JPH2: variants seen among roughly 807,000 people sequenced by gnomAD.
JPH2 encodes junctophilin 2, also known as junctophilin-2.
A neutral mutation model predicts 55.9 loss-of-function variants in JPH2; 38 were observed. That is an observed-to-expected ratio of 0.68 (90% CI 0.52 to 0.89). The LOEUF is 0.89. JPH2 is among the 40% of genes least tolerant of loss of function. The pLI, the probability that JPH2 is intolerant of heterozygous loss-of-function variation, is 0.00. For missense variants in JPH2, 964 were observed against 1,037.6 expected, an observed-to-expected ratio of 0.93 and a Z score of 0.97; for synonymous variants, 480 against 472.4, an observed-to-expected ratio of 1.02 and a Z score of -0.21.
intron 2 of JPH2, among the ~76,000 whole-genome samples, chr20:44,126,923 T>C (rs904558928): frequency 1.3e-5 from 2 of 152,202 alleles, no homozygotes; most frequent in African/African-American, 4.8e-5. Flanking sequence ...TGGGGGATAA[T>C]CTCACAAAAT....
At chr20:44,179,783 CTT>C (rs1488256055) in intron 1 of JPH2, among the ~76,000 whole-genome samples, 2 of 152,168 alleles carry the variant, frequency 1.3e-5, no homozygotes, top group South Asian at 2.1e-4. Context: ...TTAATGATCA[CTT>C]ATTATTATCA....
intron 1 of JPH2, among the ~76,000 whole-genome samples, chr20:44,184,792 A>C (rs985609417): frequency 1.3e-5 from 2 of 152,142 alleles, no homozygotes; most frequent in African/African-American, 4.8e-5. Context: ...CACAAACGTA[A>C]CTGTCCTGTC....
chr20:44,150,821 T>C (rs953569975), intron 2 of JPH2, among the ~76,000 whole-genome samples: 1 of 151,430 alleles, frequency 6.6e-6, no homozygotes, highest in Non-Finnish European at 1.5e-5. Flanking sequence ...AGGCCAGGAG[T>C]TCAAGACTAG....
intron 2 of JPH2, among the ~76,000 whole-genome samples, chr20:44,126,730 C>G (rs2072279795): frequency 6.6e-6 from 1 of 152,194 alleles, no homozygotes; most frequent in African/African-American, 2.4e-5. Flanking sequence ...GTGCTGAGCC[C>G]CTGCTATGTG....
At chr20:44,147,059 G>C (rs6103653) in intron 2 of JPH2, among the ~76,000 whole-genome samples, 1 of 152,092 alleles carries the variant, frequency 6.6e-6, no homozygotes, top group African/African-American at 2.4e-5. Flanking sequence ...CACTAGATGG[G>C]GTTGGCTGGA....
chr20:44,165,372 T>A lies in JPH2; in HGVS notation c.380-4965A>T, dbSNP rs189466399. 3.5e-3 allele frequency among the ~76,000 whole-genome samples: 525 copies of A among 152,066 alleles called. 1 individual carries two copies. Among genetic ancestry groups the A allele is most frequent in the South Asian group, 5.8e-3 (28 of 4,818 alleles). ...AAAGTCATCAGCTCTACTTTCCAAATGGATCCAGAATCCAGCCGCTTCTCA... is the reference window on the plus strand; with the variant it reads ...AAAGTCATCAGCTCTACTTTCCAAAAGGATCCAGAATCCAGCCGCTTCTCA... On this transcript the variant is annotated intron_variant, in intron 1 of 5. Transcript: ENST00000372980.
chr20:44,121,907 G>T (rs979082294), intron 2 of JPH2, among the ~76,000 whole-genome samples: 1 of 152,054 alleles, frequency 6.6e-6, no homozygotes, highest in Non-Finnish European at 1.5e-5. Flanking sequence ...GTCAGCGGGG[G>T]GATTGCTTGA....
intron 3 of JPH2, 136 bp from the exon 4 acceptor site, chr20:44,116,522 C>T (rs2072194339): frequency 2.1e-6 from 2 of 961,704 alleles, no homozygotes; most frequent in Non-Finnish European, 3.1e-6. Flanking sequence ...GTGCCAGGCA[C>T]TGTTCCAAGC....
chr20:44,131,620 T>C (rs1205041653), intron 2 of JPH2, among the ~76,000 whole-genome samples: 1 of 152,228 alleles, frequency 6.6e-6, no homozygotes, highest in Non-Finnish European at 1.5e-5. Context: ...GAGTAAGCAC[T>C]ATCGAAGGGT....
At chr20:44,149,236 A>G (rs1019059624) in intron 2 of JPH2, among the ~76,000 whole-genome samples, 2 of 151,038 alleles carry the variant, frequency 1.3e-5, no homozygotes, top group East Asian at 2.0e-4. Context: ...TGTCTCCACC[A>G]TCTCCCCAGA....
chr20:44,163,076 T>A (rs1175572298), intron 1 of JPH2, among the ~76,000 whole-genome samples: 1 of 151,988 alleles, frequency 6.6e-6, no homozygotes, highest in East Asian at 1.9e-4. Context: ...TAACATACCA[T>A]ATGACTTATT....
chr20:44,149,125 A>G (rs961539710), intron 2 of JPH2, among the ~76,000 whole-genome samples: 1 of 151,392 alleles, frequency 6.6e-6, no homozygotes, highest in African/African-American at 2.4e-5. Flanking sequence ...AAGAAGGACA[A>G]TTTGACTAAC....
chr20:44,178,296 T>C (rs1224785909), intron 1 of JPH2, among the ~76,000 whole-genome samples: 1 of 152,272 alleles, frequency 6.6e-6, no homozygotes, highest in Non-Finnish European at 1.5e-5. Flanking sequence ...GTTGTATTTC[T>C]ATAAACTAGC....
chr20:44,167,657 C>T (rs984037433), intron 1 of JPH2, among the ~76,000 whole-genome samples: 3 of 152,182 alleles, frequency 2.0e-5, no homozygotes, highest in African/African-American at 7.2e-5. Flanking sequence ...TGCAGTTGCT[C>T]TTCTGGTGAG....
At chr20:44,169,470 G>A (rs1413774987) in intron 1 of JPH2, among the ~76,000 whole-genome samples, 5 of 152,096 alleles carry the variant, frequency 3.3e-5, no homozygotes, top group Admixed American at 6.5e-5. Flanking sequence ...GAGCCACCAC[G>A]CCTGGCCCTC....
In JPH2 at chr20:44,110,038, G is replaced by A. The variant is rs1200863759; in HGVS notation, c.*3480C>T. 6.6e-6 allele frequency among the ~76,000 whole-genome samples: 1 copy of A among 152,176 alleles called. No individual in the cohort carries two copies. Among genetic ancestry groups the A allele is most frequent in the Non-Finnish European group, 1.5e-5 (1 of 68,012 alleles). ...ACTTCCTAGAGCTGCCTGTGGTCAA[G>A]ATTAGAAGAGGAGGCATCGGCCTGG... On this transcript the variant is annotated 3_prime_UTR_variant, in exon 6 of 6. Coordinates refer to ENST00000372980, the MANE Select transcript of JPH2 (RefSeq NM_020433.5).
At chr20:44,138,540 C>T (rs1221534802) in intron 2 of JPH2, among the ~76,000 whole-genome samples, 4 of 151,914 alleles carry the variant, frequency 2.6e-5, no homozygotes, top group Admixed American at 6.6e-5. Flanking sequence ...CACTGCCACA[C>T]CCAGCTAATT....
rs2072771895 is a variant in JPH2 at position 44,180,439 on chromosome 20, C to T, written c.379+5888G>A. On this transcript the variant is annotated intron_variant, in intron 1 of 5. Coordinates refer to ENST00000372980, the MANE Select transcript of JPH2 (RefSeq NM_020433.5). ...CTCGACCTCCCGGGCTCAAGCGATC[C>T]TCCCACCTTAGCCTCTCAAGTAGTT... 3.9e-5 allele frequency among the ~76,000 whole-genome samples: 6 copies of T among 152,052 alleles called. No homozygotes were observed. The South Asian group carries it at 1.0e-3, about 26-fold the overall frequency.
At position 44,115,885 on chromosome 20, in the gene JPH2, G is replaced by A. The variant is rs775179837; in HGVS notation, c.1790C>T (p.Ser597Leu). The A allele has an allele frequency of 3.8e-6, 6 of 1,580,858 alleles. 1 individual carries two copies. The highest frequency in any genetic ancestry group is 3.5e-4 in the Middle Eastern group (2 of 5,736). Residue 597 changes from serine (S) to leucine (L), a missense_variant, in exon 4 of 6, where the codon TCG (serine) becomes TTG (leucine). By Grantham distance (145) the Ser-to-Leu change is moderately radical. Transcript: ENST00000372980. ...CTGCAGCGGGGCGGTGGCCGGGGAC[G>A]AGGGCGCGGACTCGGACCCGGAGAC... is the stretch of plus-strand genomic sequence containing the variant. ...PEVSGSESAP[S>L]SPATAPLQAP...
Sources: gnomAD v4.1 joint callset for allele counts (sites outside exome capture counted in the v4.1 genomes callset) on GRCh38, gnomAD v4.1.1 for gene constraint, MANE v1.5 for transcripts, NCBI Gene and HGNC (gene_info 2026-07-23, HGNC 2026-07-21) for gene names.